The following KSR2 variants were observed in gnomAD, a reference collection of about 807,000 sequenced individuals.
KSR2 encodes the protein kinase suppressor of ras 2.
Under a neutral mutation model 107.8 loss-of-function variants are expected in KSR2, and 25 were observed. That is an observed-to-expected ratio of 0.23 (90% CI 0.17 to 0.32). The LOEUF (loss-of-function observed/expected upper bound fraction) is 0.32, where lower values mean the gene tolerates loss of function less well. Among genes scored for constraint, KSR2 ranks in the 10% least tolerant of loss-of-function variants. The pLI is 1.00. For missense variants in KSR2, 887 were observed against 1,268.9 expected (o/e 0.70, Z 4.57); for synonymous variants, 480 against 507.0 (o/e 0.95, Z 0.71).
At chr12:117,853,383 G>C (rs2570555) in intron 3 of KSR2, among the ~76,000 whole-genome samples, 85,960 of 151,988 alleles carry the variant, frequency 0.57, 24,901 homozygotes, top group Middle Eastern at 0.69. Context: ...CACTCTGTGG[G>C]CCAGGCTGGA....
At position 117,459,395 on chromosome 12, in the gene KSR2, C is replaced by CCAT. The variant is rs1311826154; in HGVS notation, c.*7801_*7803dup. On this transcript the variant is annotated 3_prime_UTR_variant, in exon 20 of 20. Transcript: ENST00000339824. Reference sequence around the variant, plus strand: ...TGAGATAAGGGAGGGTCACTCATATCCATCTTAAGTGGTAACTCGAATGCC... The same window carrying CCAT: ...TGAGATAAGGGAGGGTCACTCATATCCATCATCTTAAGTGGTAACTCGAATGCC... 1 of 152,190 alleles carries CCAT rather than the reference C, an allele frequency of 6.6e-6. No individual in the cohort carries two copies. Among genetic ancestry groups the CCAT allele is most frequent in the African/African-American group, 2.4e-5 (1 of 41,436 alleles). 9.4% of individuals were successfully genotyped at this position (152,190 alleles called of 1,614,324 possible).
rs188317620 is a variant in KSR2 at position 117,784,330 on chromosome 12, G to A, written c.473-22806C>T. 2.9e-3 allele frequency among the ~76,000 whole-genome samples: 444 copies of A among 152,270 alleles called. 2 individuals carry two copies. The highest frequency in any genetic ancestry group is 0.02 in the Middle Eastern group (6 of 294). On this transcript the variant is annotated intron_variant, in intron 3 of 19. Coordinates refer to ENST00000339824, the MANE Select transcript of KSR2 (RefSeq NM_173598.6). ...TGGTTTTATAAATGGGAGTTCCCCT[G>A]CACAAGCTCTCTTGCCTGCCACCAT...
intron 17 of KSR2, among the ~76,000 whole-genome samples, chr12:117,472,006 AC>A (rs1871487601): frequency 6.6e-6 from 1 of 151,436 alleles, no homozygotes; most frequent in East Asian, 1.9e-4. Context: ...AGTATAAACC[AC>A]CCTGCGGAAC....
At chr12:117,804,111 C>T (rs1242384270) in intron 3 of KSR2, among the ~76,000 whole-genome samples, 1 of 152,170 alleles carries the variant, frequency 6.6e-6, no homozygotes, top group African/African-American at 2.4e-5. Context: ...GATGCAATCT[C>T]GGCTCACTGC....
intron 4 of KSR2, among the ~76,000 whole-genome samples, chr12:117,690,526 T>A (rs920382574): frequency 1.3e-5 from 2 of 151,994 alleles, no homozygotes; most frequent in African/African-American, 4.8e-5. Flanking sequence ...GATCACACCA[T>A]TGCACTCCAG....
chr12:117,780,796 A>T (rs575824302), intron 3 of KSR2, among the ~76,000 whole-genome samples: 43 of 152,350 alleles, frequency 2.8e-4, no homozygotes, highest in African/African-American at 1.0e-3. Flanking sequence ...GGTTCCCATG[A>T]TCTTTCTCTT....
chr12:117,639,794 G>A (rs757173613), intron 5 of KSR2, among the ~76,000 whole-genome samples: 1 of 151,948 alleles, frequency 6.6e-6, no homozygotes, highest in African/African-American at 2.4e-5. Flanking sequence ...GTCAATACCA[G>A]GAAGATCAAG....
chr12:117,791,370 C>A (rs1360467961), intron 3 of KSR2, among the ~76,000 whole-genome samples: 1 of 152,178 alleles, frequency 6.6e-6, no homozygotes, highest in Non-Finnish European at 1.5e-5. Flanking sequence ...CTGAGTCATT[C>A]TCTGATATTT....
rs151032943 is a variant in KSR2 at position 117,918,744 on chromosome 12, C to T, written c.180+49332G>A. 3.8e-3 allele frequency among the ~76,000 whole-genome samples: 573 copies of T among 150,320 alleles called. 22 individuals carry two copies. The East Asian group carries it at 0.085, about 22-fold the overall frequency. On this transcript the variant is annotated intron_variant, in intron 1 of 19. Transcript: ENST00000339824. ...CAGAGGTTGTGGTGAGCCAAGATCG[C>T]GCCACTGCACTCCAGCCTGGGCAAC...
chr12:117,541,702 ACACCCAATAG>A (rs1019341392), intron 9 of KSR2, among the ~76,000 whole-genome samples: 2 of 152,006 alleles, frequency 1.3e-5, no homozygotes, highest in Admixed American at 6.6e-5. Context: ...GGTGTGGCGA[ACACCCAATAG>A]CAAAGGAGGT....
intron 3 of KSR2, among the ~76,000 whole-genome samples, chr12:117,834,341 G>C (rs1046064986): frequency 2.0e-5 from 3 of 148,954 alleles, no homozygotes; most frequent in Non-Finnish European, 3.0e-5. Context: ...AACAAAACAA[G>C]TACACCTTTT....
At chr12:117,644,948 C>T (rs901754820) in intron 5 of KSR2, among the ~76,000 whole-genome samples, 3 of 152,250 alleles carry the variant, frequency 2.0e-5, no homozygotes, top group East Asian at 3.9e-4. Flanking sequence ...AAATCCACTC[C>T]GCTTGATTGC....
intron 5 of KSR2, among the ~76,000 whole-genome samples, chr12:117,645,868 CGTGTGTGT>C (rs58896782): frequency 0.14 from 19,178 of 141,962 alleles, 1,327 homozygotes; most frequent in African/African-American, 0.16. Flanking sequence ...TGTGTATGTG[CGTGTGTGT>C]GTGTGTGTGT....
At position 117,494,024 on chromosome 12, in the gene KSR2, C is replaced by G. The variant is rs994240962; in HGVS notation, c.2220-8333G>C. Among the ~76,000 whole-genome samples, 6 of 152,258 alleles carry G rather than the reference C, an allele frequency of 3.9e-5. No individual in the cohort carries two copies. The South Asian group carries it at 1.0e-3, about 26-fold the overall frequency. The stretch of plus-strand genomic sequence containing the variant: ...CCAGTCTCCGGTAGGTCTTTGTCAG[C>G]AGCGTGAAAATGGACTAATACGGGC... On this transcript the variant is annotated intron_variant, in intron 14 of 19. Coordinates refer to ENST00000339824, the MANE Select transcript of KSR2 (RefSeq NM_173598.6).
chr12:117,781,203 G>A (rs752097881), intron 3 of KSR2, among the ~76,000 whole-genome samples: 1 of 152,172 alleles, frequency 6.6e-6, no homozygotes, highest in Non-Finnish European at 1.5e-5. Flanking sequence ...TTCGTCTTCC[G>A]CCATGATCGT....
chr12:117,577,056 G>T (rs1201009286), intron 7 of KSR2, among the ~76,000 whole-genome samples: 1 of 152,094 alleles, frequency 6.6e-6, no homozygotes, highest in Non-Finnish European at 1.5e-5. Context: ...CCAGGTGGAG[G>T]ATATGGACAG....
intron 4 of KSR2, among the ~76,000 whole-genome samples, chr12:117,708,633 T>C (rs1593154359): frequency 1.3e-5 from 2 of 152,274 alleles, no homozygotes; most frequent in South Asian, 2.1e-4. Flanking sequence ...TCTCCAACAA[T>C]TGACTGAGGC....
At chr12:117,578,838 C>A (rs1369277580) in intron 7 of KSR2, among the ~76,000 whole-genome samples, 1 of 152,198 alleles carries the variant, frequency 6.6e-6, no homozygotes, top group Non-Finnish European at 1.5e-5. Context: ...TTGCCAACCC[C>A]TGGCCTTAGA....
chr12:117,783,238 G>A (rs1889945550), intron 3 of KSR2, among the ~76,000 whole-genome samples: 1 of 152,142 alleles, frequency 6.6e-6, no homozygotes, highest in Non-Finnish European at 1.5e-5. Context: ...TTGATTTCAT[G>A]GATGAAGGAC....
Sources: allele counts gnomAD v4.1 joint callset (sites outside exome capture counted in the v4.1 genomes callset), GRCh38; gene constraint gnomAD v4.1.1; transcripts MANE v1.5; gene names NCBI Gene and HGNC (gene_info 2026-07-23, HGNC 2026-07-21).